Variants in MSR1 observed in about 807,000 individuals in gnomAD.
MSR1 encodes the protein macrophage scavenger receptor types I and II.
MSR1 carries 53 observed loss-of-function variants against 47.2 expected under a neutral mutation model. The observed-to-expected ratio is 1.12, with a 90% CI of 0.90 to 1.41. The LOEUF is 1.41. Among genes scored for constraint, MSR1 ranks in the 40% most tolerant of loss-of-function variants. The probability of loss-of-function intolerance (pLI) is 0.00; values close to 1 mark genes in which losing one functional copy is unlikely to be tolerated. For synonymous variants in MSR1, 239 were observed against 185.6 expected, an observed-to-expected ratio of 1.29 and a Z score of -2.34; for missense variants, 786 against 546.9, an observed-to-expected ratio of 1.44 and a Z score of -4.36.
chr8:16,137,607 T>C (rs1277426794), intron 8 of MSR1, among the ~76,000 whole-genome samples: 4 of 152,140 alleles, frequency 2.6e-5, no homozygotes, highest in Admixed American at 1.3e-4. Context: ...TTCTTCCACT[T>C]ATTAGCAGTA....
At chr8:16,126,677 C>T (rs954588738) in intron 8 of MSR1, among the ~76,000 whole-genome samples, 2 of 152,044 alleles carry the variant, frequency 1.3e-5, no homozygotes, top group African/African-American at 2.4e-5. Context: ...TTGTGTTACT[C>T]CTAAAGCCAG....
At chr8:16,166,409 C>A (rs1801312462) in intron 4 of MSR1, among the ~76,000 whole-genome samples, 2 of 151,918 alleles carry the variant, frequency 1.3e-5, no homozygotes, top group South Asian at 2.1e-4. Context: ...GGTCCACCCA[C>A]CTCGGCCTCC....
At chr8:16,123,584 ATG>A (rs36022730) in intron 8 of MSR1, among the ~76,000 whole-genome samples, 128,266 of 148,556 alleles carry the variant, frequency 0.86, 55,653 homozygotes, top group Non-Finnish European at 0.94. Flanking sequence ...AGACATGTAT[ATG>A]TGTGTGTGTG....
chr8:16,128,654 C>G (rs74589739), intron 8 of MSR1, among the ~76,000 whole-genome samples: 1 of 152,046 alleles, frequency 6.6e-6, no homozygotes, highest in Non-Finnish European at 1.5e-5. Context: ...TACTTGCAAA[C>G]GAGAAATAGC....
chr8:16,135,233 C>T (rs1017833266), intron 8 of MSR1, among the ~76,000 whole-genome samples: 2 of 152,088 alleles, frequency 1.3e-5, no homozygotes, highest in African/African-American at 4.8e-5. Context: ...GACTTCAAAG[C>T]TTTGAAGTAT....
At chr8:16,120,842 TG>T (rs1799987799) in intron 8 of MSR1, 1 of 559,348 alleles carries the variant, frequency 1.8e-6, no homozygotes, top group Non-Finnish European at 3.1e-6. Flanking sequence ...CTGTCTTACA[TG>T]TAAGTTATAT....
At chr8:16,163,974 A>G in intron 5 of MSR1, 91 bp downstream of exon 5, 1 of 1,047,242 alleles carries the variant, frequency 9.5e-7, no homozygotes, top group Non-Finnish European at 1.3e-6. Flanking sequence ...TATTTATTTC[A>G]AACCATAGGA....
intron 8 of MSR1, among the ~76,000 whole-genome samples, chr8:16,131,821 A>G (rs1170430239): frequency 6.6e-6 from 1 of 151,866 alleles, no homozygotes; most frequent in Non-Finnish European, 1.5e-5. Flanking sequence ...TGGGTTCTCT[A>G]TTCTGTTCCA....
chr8:16,119,708 T>C (rs1480445040), intron 9 of MSR1, among the ~76,000 whole-genome samples: 1 of 151,914 alleles, frequency 6.6e-6, no homozygotes, highest in Non-Finnish European at 1.5e-5. Flanking sequence ...TCTACTTTTC[T>C]GTAAAAATTT....
chr8:16,145,432 A>C (rs116801224), intron 7 of MSR1, among the ~76,000 whole-genome samples: 2,187 of 152,230 alleles, frequency 0.014, 62 homozygotes, highest in African/African-American at 0.05. Context: ...GAACATAATA[A>C]GCAAGCTTAA....
intron 9 of MSR1, among the ~76,000 whole-genome samples, chr8:16,113,115 A>G (rs1799800725): frequency 6.6e-6 from 1 of 151,172 alleles, no homozygotes; most frequent in Admixed American, 6.6e-5. Flanking sequence ...ACGCCCAGTT[A>G]ATTTTTGTAT....
chr8:16,140,442 A>C, intron 8 of MSR1: 2 of 986,426 alleles, frequency 2.0e-6, no homozygotes, highest in Non-Finnish European at 2.4e-6. Context: ...TTTAGATGGG[A>C]TACTTAAAAT....
rs540261252 is a variant in MSR1 at position 16,124,376 on chromosome 8, T to G, written c.1034-3770A>C. On this transcript the variant is annotated intron_variant, in intron 8 of 9. Coordinates refer to ENST00000262101, the MANE Select transcript of MSR1 (RefSeq NM_138715.3). Reference sequence around the variant, plus strand: ...GGAATCCCTGGTAGAATTACAAACATAGTAGACGAGAATGATAGAGGATTT... The same window carrying G: ...GGAATCCCTGGTAGAATTACAAACAGAGTAGACGAGAATGATAGAGGATTT... Among the ~76,000 whole-genome samples, 19 of 152,308 alleles carry G rather than the reference T, an allele frequency of 1.2e-4. No homozygotes were observed. The South Asian group carries it at 3.3e-3, about 27-fold the overall frequency.
chr8:16,172,034 GT>G (rs1423887280), intron 3 of MSR1, among the ~76,000 whole-genome samples: 2 of 152,116 alleles, frequency 1.3e-5, no homozygotes, highest in African/African-American at 4.8e-5. Flanking sequence ...TGTGATTCAG[GT>G]ACCTATATGC....
rs1418602159 is a variant in MSR1 at position 16,139,773 on chromosome 8, AAATATATATATATATATATATATATATAT to A, written c.1033+3756_1033+3784del. 2 of 27,298 alleles carry A rather than the reference AAATATATATATATATATATATATATATAT, an allele frequency of 7.3e-5. 1 individual carries two copies. The highest frequency in any genetic ancestry group is 1.2e-4 in the Non-Finnish European group (2 of 16,058). 1.7% of individuals were successfully genotyped at this position (27,298 alleles called of 1,614,324 possible). ...AAAAAAAAAAAAAAAAAAAAAAAAAAAATATATATATATATATATATATATATATATATATATATATATATATATATGCT... is the reference window on the plus strand; with the variant it reads ...AAAAAAAAAAAAAAAAAAAAAAAAAAATATATATATATATATATATATGCT... On this transcript the variant is annotated intron_variant, in intron 8 of 9. Coordinates refer to ENST00000262101, the MANE Select transcript of MSR1 (RefSeq NM_138715.3).
chr8:16,117,974 T>C (rs1452869851), intron 9 of MSR1, among the ~76,000 whole-genome samples: 3 of 152,070 alleles, frequency 2.0e-5, no homozygotes, highest in Non-Finnish European at 4.4e-5. Context: ...TGTGGAAAAA[T>C]TGTCTTCCAC....
chr8:16,125,772 A>G (rs1263458720), intron 8 of MSR1, among the ~76,000 whole-genome samples: 1 of 152,046 alleles, frequency 6.6e-6, no homozygotes, highest in Non-Finnish European at 1.5e-5. Context: ...AAATTTTTAA[A>G]AGTTTTTCTT....
At chr8:16,128,740 C>A (rs191692347) in intron 8 of MSR1, among the ~76,000 whole-genome samples, 1 of 152,198 alleles carries the variant, frequency 6.6e-6, no homozygotes, top group African/African-American at 2.4e-5. Flanking sequence ...ACCATACTTG[C>A]TATGTTGTGA....
chr8:16,136,365 A>G (rs1800389807), intron 8 of MSR1, among the ~76,000 whole-genome samples: 4 of 152,200 alleles, frequency 2.6e-5, no homozygotes, highest in Admixed American at 2.6e-4. Flanking sequence ...GAAGGTTCAA[A>G]TGATTGTTAG....
Sources: gnomAD v4.1 joint callset for allele counts (sites outside exome capture counted in the v4.1 genomes callset) on GRCh38, gnomAD v4.1.1 for gene constraint, MANE v1.5 for transcripts, NCBI Gene and HGNC (gene_info 2026-07-23, HGNC 2026-07-21) for gene names.